EPHA5: variants seen among roughly 807,000 people sequenced by gnomAD.
EPHA5 encodes EPH receptor A5, also known as ephrin type-A receptor 5.
EPHA5 carries 60 observed loss-of-function variants against 105.0 expected under a neutral mutation model. The observed-to-expected ratio is 0.57, with a 90% CI of 0.46 to 0.71. The LOEUF (loss-of-function observed/expected upper bound fraction) is 0.71, where lower values mean the gene tolerates loss of function less well. Ranked by LOEUF, EPHA5 falls within the 30% of genes least tolerant of loss-of-function variation. EPHA5 has a pLI of 0.00. For synonymous variants in EPHA5, 513 were observed against 449.1 expected, an observed-to-expected ratio of 1.14 and a Z score of -1.80; for missense variants, 1,218 against 1,274.7, an observed-to-expected ratio of 0.96 and a Z score of 0.68.
chr4:65,321,928 G>T lies in EPHA5; in HGVS notation c.*2186C>A. 4.4e-6 allele frequency: 1 copy of T among 225,648 alleles called. No homozygotes were observed. Among genetic ancestry groups the T allele is most frequent in the Non-Finnish European group, 8.8e-6 (1 of 113,178 alleles). The allele number at this position is 225,648 out of a possible 1,614,324, so 14.0% of individuals were successfully genotyped here. On this transcript the variant is annotated 3_prime_UTR_variant, in exon 17 of 17. Transcript: ENST00000613740. ...TTCTCAGTTGTTACTTTATCACTTA[G>T]ATTGGAATATTTCTATAAAATTCAA...
At chr4:65,341,554 AATAG>A (rs1428379375) in intron 14 of EPHA5, among the ~76,000 whole-genome samples, 51 of 150,248 alleles carry the variant, frequency 3.4e-4, no homozygotes, top group African/African-American at 1.0e-3. Context: ...ACCATAAATA[AATAG>A]ATATTTACAT....
chr4:65,560,992 A>G (rs1738951685), intron 3 of EPHA5, among the ~76,000 whole-genome samples: 1 of 151,994 alleles, frequency 6.6e-6, no homozygotes. Context: ...TCTTGTCTAG[A>G]ATAAAAATCT....
At position 65,365,089 on chromosome 4, in the gene EPHA5, G is replaced by A. The variant is rs1717737088; in HGVS notation, c.2101C>T (p.Leu701=). 1 of 1,611,702 alleles carries A rather than the reference G, an allele frequency of 6.2e-7. No individual in the cohort carries two copies. Among genetic ancestry groups the A allele is most frequent in the Admixed American group, 1.7e-5 (1 of 59,804 alleles). The change falls in exon 11 of 17, where the codon CTA becomes TTA. Residue 701 remains leucine, a synonymous_variant. Coordinates refer to ENST00000613740, the MANE Select transcript of EPHA5 (RefSeq NM_001281766.3). ...GYTEKQRRDF[L]GEASIMGQFD... ...TGTCCCATGATACTTGCTTCACCTA[G>A]GAAATCTCTGCGTTGCTTTTCAGTA... is the stretch of plus-strand genomic sequence containing the variant.
intron 3 of EPHA5, among the ~76,000 whole-genome samples, chr4:65,515,448 T>C (rs1734017772): frequency 6.6e-6 from 1 of 152,132 alleles, no homozygotes; most frequent in African/African-American, 2.4e-5. Flanking sequence ...ACAAGTATCT[T>C]AAAATGAATC....
intron 1 of EPHA5, among the ~76,000 whole-genome samples, chr4:65,668,326 C>G (rs1014056363): frequency 6.6e-6 from 1 of 152,158 alleles, no homozygotes; most frequent in Non-Finnish European, 1.5e-5. Flanking sequence ...TCTTTCCGGT[C>G]TAGTGTCCCG....
At chr4:65,461,549 T>C (rs1728122228) in intron 5 of EPHA5, among the ~76,000 whole-genome samples, 1 of 152,086 alleles carries the variant, frequency 6.6e-6, no homozygotes, top group Non-Finnish European at 1.5e-5. Context: ...TTTATTTTAC[T>C]ATATTCTTCA....
At chr4:65,496,272 A>C (rs1351145050) in intron 3 of EPHA5, among the ~76,000 whole-genome samples, 1 of 151,748 alleles carries the variant, frequency 6.6e-6, no homozygotes, top group East Asian at 1.9e-4. Context: ...GTACATGTGC[A>C]CAATGTGCAG....
At chr4:65,496,130 T>A (rs1731906778) in intron 3 of EPHA5, among the ~76,000 whole-genome samples, 1 of 152,170 alleles carries the variant, frequency 6.6e-6, no homozygotes, top group African/African-American at 2.4e-5. Flanking sequence ...TTTTAGAACT[T>A]TTCTTTGAGA....
chr4:65,665,974 A>G (rs1298447175), intron 1 of EPHA5, among the ~76,000 whole-genome samples: 1 of 152,176 alleles, frequency 6.6e-6, no homozygotes, highest in East Asian at 1.9e-4. Context: ...TCTAAAAGGA[A>G]ATGAATTACA....
chr4:65,369,705 C>T (rs553475450), intron 8 of EPHA5, among the ~76,000 whole-genome samples: 4 of 152,056 alleles, frequency 2.6e-5, no homozygotes, highest in Non-Finnish European at 5.9e-5. Context: ...TGGTGGCTCA[C>T]GCTTGTAATC....
chr4:65,578,879 ACAGAGAATTC>A (rs1338883506), intron 3 of EPHA5, among the ~76,000 whole-genome samples: 1 of 152,108 alleles, frequency 6.6e-6, no homozygotes, highest in Non-Finnish European at 1.5e-5. Flanking sequence ...AGTTTATTGT[ACAGAGAATTC>A]CATATTGGTG....
At chr4:65,325,242 A>T (rs889053020) in intron 16 of EPHA5, among the ~76,000 whole-genome samples, 1 of 151,420 alleles carries the variant, frequency 6.6e-6, no homozygotes, top group Non-Finnish European at 1.5e-5. Flanking sequence ...TGAATTAATG[A>T]CATTAGACAT....
intron 6 of EPHA5, among the ~76,000 whole-genome samples, chr4:65,415,375 A>T (rs925669683): frequency 6.6e-6 from 1 of 152,084 alleles, no homozygotes; most frequent in African/African-American, 2.4e-5. Flanking sequence ...ACTACAATAT[A>T]TGTTTTAATT....
chr4:65,469,692 T>G (rs1019250826), intron 5 of EPHA5, among the ~76,000 whole-genome samples: 1 of 152,196 alleles, frequency 6.6e-6, no homozygotes, highest in African/African-American at 2.4e-5. Flanking sequence ...AAATTAGATA[T>G]TTCTGTAATA....
intron 3 of EPHA5, chr4:65,573,523 A>T: frequency 1.9e-6 from 3 of 1,597,682 alleles, no homozygotes; most frequent in South Asian, 2.2e-5. Context: ...AAGAAGACTG[A>T]TGCTGGTGGC....
intron 7 of EPHA5, among the ~76,000 whole-genome samples, chr4:65,411,978 C>CA (rs1722953709): frequency 1.3e-5 from 2 of 152,240 alleles, no homozygotes; most frequent in South Asian, 4.1e-4. Flanking sequence ...CCTGTAATCC[C>CA]AGCACTTTGG....
At chr4:65,647,942 C>T (rs999668648) in intron 1 of EPHA5, among the ~76,000 whole-genome samples, 1 of 152,126 alleles carries the variant, frequency 6.6e-6, no homozygotes, top group East Asian at 1.9e-4. Context: ...GGAAAAGTCA[C>T]TTAACTGAAT....
chr4:65,476,127 A>AGAGTGTGTGTGT (rs1425495059), intron 5 of EPHA5, among the ~76,000 whole-genome samples: 5 of 119,190 alleles, frequency 4.2e-5, no homozygotes, highest in African/African-American at 1.5e-4. Context: ...AGAGAGAGAG[A>AGAGTGTGTGTGT]GTGTGTGTGT....
intron 1 of EPHA5, among the ~76,000 whole-genome samples, chr4:65,657,532 C>A (rs1749180791): frequency 6.6e-6 from 1 of 152,100 alleles, no homozygotes; most frequent in Admixed American, 6.6e-5. Context: ...ATACAGTATT[C>A]TACTAACAAA....
Sources: allele counts gnomAD v4.1 joint callset (sites outside exome capture counted in the v4.1 genomes callset), GRCh38; gene constraint gnomAD v4.1.1; transcripts MANE v1.5; gene names NCBI Gene and HGNC (gene_info 2026-07-23, HGNC 2026-07-21).